The following B4GALNT3 variants were observed in gnomAD, a reference collection of about 807,000 sequenced individuals.
The protein encoded by B4GALNT3 is beta-1,4-N-acetylgalactosaminyltransferase 3.
Under a neutral mutation model 120.2 loss-of-function variants are expected in B4GALNT3, and 86 were observed. The observed-to-expected ratio is 0.72, with a 90% CI of 0.60 to 0.86. The LOEUF (loss-of-function observed/expected upper bound fraction) is 0.86, where lower values mean the gene tolerates loss of function less well. Among genes scored for constraint, B4GALNT3 ranks in the 40% least tolerant of loss-of-function variants. The probability of loss-of-function intolerance (pLI) is 0.00; values close to 1 mark genes in which losing one functional copy is unlikely to be tolerated. For synonymous variants in B4GALNT3, 518 were observed against 510.4 expected, an observed-to-expected ratio of 1.01 and a Z score of -0.20; for missense variants, 1,167 against 1,298.9, an observed-to-expected ratio of 0.90 and a Z score of 1.56.
Position 475,151 on chromosome 12 carries a change from G to T in B4GALNT3, c.169+14606G>T, listed in dbSNP as rs181920710. Among the ~76,000 whole-genome samples, 8 of 152,122 alleles carry T rather than the reference G, an allele frequency of 5.3e-5. No individual in the cohort carries two copies. In the East Asian group the frequency reaches 1.5e-3, roughly 29 times the overall value. The stretch of plus-strand genomic sequence containing the variant: ...AGAAGAGAAGAGAGAAAAGAAAAAA[G>T]GAATCTGGTGAAGAAACGGTTACAC... On this transcript the variant is annotated intron_variant, in intron 1 of 19. Transcript: ENST00000266383.
Position 535,251 on chromosome 12 carries a change from C to G in B4GALNT3, c.255C>G (p.Pro85=), listed in dbSNP as rs1946846611. 3 of 1,614,014 alleles carry G rather than the reference C, an allele frequency of 1.9e-6. No individual in the cohort carries two copies. The highest frequency in any genetic ancestry group is 2.5e-6 in the Non-Finnish European group (3 of 1,179,972). The change falls in exon 2 of 20, where the codon CCC becomes CCG. Residue 85 remains proline, a synonymous_variant. Coordinates refer to ENST00000266383, the MANE Select transcript of B4GALNT3 (RefSeq NM_173593.4). ...ATCCACACCTCCAGTTCTACCATCC[C>G]CAGAGGCTGAGCCTCGAGGTAGGTG... ...AVDPHLQFYH[P]QRLSLEDHDI...
chr12:506,786 A>T (rs1446985025), intron 1 of B4GALNT3, among the ~76,000 whole-genome samples: 6 of 151,820 alleles, frequency 4.0e-5, no homozygotes, highest in Admixed American at 6.6e-5. Flanking sequence ...ACAGACACAT[A>T]CCACCACGCC....
chr12:537,704 A>AT (rs1946875421), intron 3 of B4GALNT3, among the ~76,000 whole-genome samples: 1 of 152,168 alleles, frequency 6.6e-6, no homozygotes, highest in East Asian at 1.9e-4. Context: ...TGAGTTTCCT[A>AT]TTTTACAACT....
At chr12:475,788 CGT>C (rs1467352170) in intron 1 of B4GALNT3, among the ~76,000 whole-genome samples, 1 of 152,114 alleles carries the variant, frequency 6.6e-6, no homozygotes, top group Non-Finnish European at 1.5e-5. Flanking sequence ...GTTGGTCTTG[CGT>C]GTCCCAGCTA....
intron 1 of B4GALNT3, among the ~76,000 whole-genome samples, chr12:473,103 A>G (rs7978476): frequency 0.18 from 27,145 of 151,896 alleles, 3,762 homozygotes; most frequent in African/African-American, 0.38. Context: ...CTAGTAGCTA[A>G]GACCACAGGC....
At chr12:522,938 GT>G (rs146429459) in intron 1 of B4GALNT3, among the ~76,000 whole-genome samples, 19,336 of 83,212 alleles carry the variant, frequency 0.23, 2,737 homozygotes, top group Middle Eastern at 0.3. Flanking sequence ...GGGAGACTCT[GT>G]TTAAAAAAAA....
chr12:527,676 G>A (rs78849136), intron 1 of B4GALNT3, among the ~76,000 whole-genome samples: 21,859 of 152,196 alleles, frequency 0.14, 2,120 homozygotes, highest in Admixed American at 0.3. Flanking sequence ...CTGGGAGGGA[G>A]CATGAGATGG....
At chr12:508,928 T>C (rs1487119679) in intron 1 of B4GALNT3, among the ~76,000 whole-genome samples, 1 of 152,220 alleles carries the variant, frequency 6.6e-6, no homozygotes, top group Non-Finnish European at 1.5e-5. Context: ...CTTGTGAGGT[T>C]GGCAGGACAG....
Position 561,341 on chromosome 12 carries a change from A to G in B4GALNT3, c.2889-2A>G. Reference sequence around the variant, plus strand: ...GGCTCATCTGTGTTTCTCCTCCTCCAGGATACTCCAAGCGGGCCTGGACGT... The same window carrying G: ...GGCTCATCTGTGTTTCTCCTCCTCCGGGATACTCCAAGCGGGCCTGGACGT... On this transcript the variant is annotated splice_acceptor_variant, in intron 19 of 19. Transcript: ENST00000266383. LOFTEE classifies it high-confidence loss of function. 1 of 1,611,750 alleles carries G rather than the reference A, an allele frequency of 6.2e-7. No individual in the cohort carries two copies. The highest frequency in any genetic ancestry group is 1.7e-5 in the Admixed American group (1 of 60,008).
At chr12:484,357 G>A (rs111681637) in intron 1 of B4GALNT3, among the ~76,000 whole-genome samples, 5 of 152,142 alleles carry the variant, frequency 3.3e-5, no homozygotes, top group African/African-American at 7.2e-5. Flanking sequence ...CTGTTGGCAC[G>A]TGCCACGGTT....
intron 1 of B4GALNT3, among the ~76,000 whole-genome samples, chr12:487,723 A>AG (rs1946303191): frequency 6.6e-6 from 1 of 151,716 alleles, no homozygotes; most frequent in Admixed American, 6.6e-5. Flanking sequence ...GAAAAAAAAA[A>AG]AAAGAAAGAA....
At chr12:560,646 GC>G (rs1947218442) in intron 19 of B4GALNT3, among the ~76,000 whole-genome samples, 1 of 152,198 alleles carries the variant, frequency 6.6e-6, no homozygotes, top group Non-Finnish European at 1.5e-5. Context: ...GATCAAAGGA[GC>G]CCCCAGGGCA....
At chr12:539,102 T>G (rs1166168144) in intron 3 of B4GALNT3, among the ~76,000 whole-genome samples, 1 of 152,190 alleles carries the variant, frequency 6.6e-6, no homozygotes, top group African/African-American at 2.4e-5. Context: ...CCCCGAGCTT[T>G]GGCTGGCAGC....
intron 14 of B4GALNT3, 94 bp downstream of exon 14, chr12:554,077 C>A: frequency 2.4e-6 from 2 of 844,426 alleles, no homozygotes; most frequent in South Asian, 1.6e-5. Context: ...AGTGGGTTCC[C>A]CCAGCCGCGG....
At chr12:483,439 G>A (rs1467902685) in intron 1 of B4GALNT3, among the ~76,000 whole-genome samples, 1 of 152,162 alleles carries the variant, frequency 6.6e-6, no homozygotes, top group Non-Finnish European at 1.5e-5. Flanking sequence ...GCTCATACCT[G>A]TAATCCCATA....
intron 1 of B4GALNT3, among the ~76,000 whole-genome samples, chr12:521,865 C>T (rs1410890537): frequency 2.0e-5 from 3 of 152,212 alleles, no homozygotes; most frequent in Non-Finnish European, 4.4e-5. Context: ...CTTAGCCTCT[C>T]TCTGAAGCTG....
intron 3 of B4GALNT3, among the ~76,000 whole-genome samples, chr12:543,362 G>A (rs560796632): frequency 1.8e-3 from 266 of 151,644 alleles, no homozygotes; most frequent in African/African-American, 5.9e-3. Context: ...TGAGGAGCTG[G>A]GGCAGGCATG....
intron 13 of B4GALNT3, 177 bp downstream of exon 13, chr12:552,705 C>A: frequency 1.6e-6 from 1 of 619,346 alleles, no homozygotes; most frequent in Non-Finnish European, 2.9e-6. Context: ...TTTCCATATC[C>A]AGGCACATGT....
At chr12:541,606 C>T (rs1362082898) in intron 3 of B4GALNT3, among the ~76,000 whole-genome samples, 2 of 152,174 alleles carry the variant, frequency 1.3e-5, no homozygotes, top group Non-Finnish European at 2.9e-5. Context: ...CTCAGAGACC[C>T]CCACCTACAG....
Sources: gnomAD v4.1 joint callset for allele counts (sites outside exome capture counted in the v4.1 genomes callset) on GRCh38, gnomAD v4.1.1 for gene constraint, MANE v1.5 for transcripts, NCBI Gene and HGNC (gene_info 2026-07-23, HGNC 2026-07-21) for gene names.